The following VPS13B variants were observed in gnomAD, a reference collection of about 807,000 sequenced individuals.
VPS13B encodes the protein intermembrane lipid transfer protein VPS13B.
A neutral mutation model predicts 426.4 loss-of-function variants in VPS13B; 285 were observed. That is an observed-to-expected ratio of 0.67 (90% CI 0.61 to 0.74). The LOEUF (loss-of-function observed/expected upper bound fraction) is 0.74. VPS13B is among the 30% of genes least tolerant of loss of function. The probability of loss-of-function intolerance (pLI) is 0.00; values close to 1 mark genes in which losing one functional copy is unlikely to be tolerated. For synonymous variants in VPS13B, 1,676 were observed against 1,676.4 expected, an observed-to-expected ratio of 1.00 and a Z score of 0.01; for missense variants, 4,537 against 4,782.6, an observed-to-expected ratio of 0.95 and a Z score of 1.51.
rs769286340 is a variant in VPS13B, at chr8:99,784,495, TACAAACAGCCATTGTTAAGGTTG to T, written c.7941+20_7941+42del. On this transcript the variant is annotated intron_variant, in intron 43 of 61. Coordinates refer to ENST00000357162, the MANE Select transcript of VPS13B (RefSeq NM_152564.5). ...CCCACAGGTATTTGAGAAACACCCT[TACAAACAGCCATTGTTAAGGTTG>T]GGGATTCATTTCTTCTGCACTTGTG... 1.2e-6 allele frequency: 2 copies of T among 1,613,446 alleles called. No homozygotes were observed. Among genetic ancestry groups the T allele is most frequent in the Admixed American group, 3.3e-5 (2 of 59,970 alleles).
chr8:99,619,779 A>G (rs1828271139), intron 33 of VPS13B, among the ~76,000 whole-genome samples: 1 of 151,888 alleles, frequency 6.6e-6, no homozygotes, highest in Admixed American at 6.6e-5. Flanking sequence ...GCTGAGGTGG[A>G]AGAATCACTT....
chr8:99,519,355 G>C (rs984919434), intron 29 of VPS13B, among the ~76,000 whole-genome samples: 6 of 152,164 alleles, frequency 3.9e-5, no homozygotes, highest in African/African-American at 1.4e-4. Context: ...CTGTTGGCGG[G>C]ACTGTAAACT....
intron 35 of VPS13B, among the ~76,000 whole-genome samples, chr8:99,666,239 G>C (rs1046416195): frequency 2.0e-5 from 3 of 152,144 alleles, no homozygotes; most frequent in Admixed American, 6.6e-5. Flanking sequence ...ACAAGGAGGA[G>C]CTGGTACCAT....
Position 99,132,975 on chromosome 8 carries a change from T to C in VPS13B, c.1207-1657T>C, listed in dbSNP as rs181309747. 1.4e-4 allele frequency among the ~76,000 whole-genome samples: 21 copies of C among 152,278 alleles called. 1 individual carries two copies. The highest frequency in any genetic ancestry group is 1.1e-3 in the Admixed American group (17 of 15,294). ...GCCCTAGGATTTTCAGAATGGTAAA[T>C]GAACACTATCTTCAACTTAAAGTTA... On this transcript the variant is annotated intron_variant, in intron 8 of 61. Transcript: ENST00000357162.
intron 5 of VPS13B, among the ~76,000 whole-genome samples, chr8:99,105,525 C>T (rs556791423): frequency 6.6e-6 from 1 of 152,118 alleles, no homozygotes; most frequent in East Asian, 1.9e-4. Context: ...ACTCTAGGCG[C>T]CTGCCAGCAT....
intron 35 of VPS13B, among the ~76,000 whole-genome samples, chr8:99,670,233 C>T (rs888777659): frequency 1.3e-5 from 2 of 151,772 alleles, no homozygotes; most frequent in African/African-American, 2.4e-5. Context: ...AATAGTGTCT[C>T]GATTTTTCTG....
intron 7 of VPS13B, 35 bp from the exon 8 acceptor site, chr8:99,121,142 T>C: frequency 1.3e-6 from 2 of 1,589,852 alleles, no homozygotes; most frequent in East Asian, 4.5e-5. Flanking sequence ...TAAATCCTTT[T>C]GACTTATTTA....
chr8:99,605,022 A>G (rs1309543961), intron 33 of VPS13B, among the ~76,000 whole-genome samples: 1 of 152,218 alleles, frequency 6.6e-6, no homozygotes, highest in Non-Finnish European at 1.5e-5. Context: ...TTGCAACTGT[A>G]ATTAATTCCT....
At chr8:99,587,388 G>A (rs1248044306) in intron 33 of VPS13B, among the ~76,000 whole-genome samples, 1 of 149,948 alleles carries the variant, frequency 6.7e-6, no homozygotes, top group Non-Finnish European at 1.5e-5. Context: ...GATCCTTGAG[G>A]AATCGCCACA....
At chr8:99,646,473 C>T (rs72676220) in intron 34 of VPS13B, among the ~76,000 whole-genome samples, 20,836 of 152,074 alleles carry the variant, frequency 0.14, 1,975 homozygotes, top group East Asian at 0.39. Context: ...TGCAGTAAAC[C>T]GAGATTGCAT....
At chr8:99,691,577 G>A (rs995966398) in intron 35 of VPS13B, among the ~76,000 whole-genome samples, 8 of 151,476 alleles carry the variant, frequency 5.3e-5, no homozygotes, top group Admixed American at 1.3e-4. Flanking sequence ...AGTGTCAGCC[G>A]CTGCAAAATC....
chr8:99,220,833 A>T (rs1815670688), intron 17 of VPS13B, among the ~76,000 whole-genome samples: 1 of 112,270 alleles, frequency 8.9e-6, no homozygotes, highest in Non-Finnish European at 1.8e-5. Context: ...ACATGTGCAC[A>T]TTGTGCAGGT....
intron 25 of VPS13B, among the ~76,000 whole-genome samples, chr8:99,491,861 C>A (rs1820620129): frequency 6.6e-6 from 1 of 152,196 alleles, no homozygotes; most frequent in African/African-American, 2.4e-5. Flanking sequence ...AAGCCTACTT[C>A]TGTCAATTCG....
At chr8:99,870,109 GTTT>G (rs576763199) in intron 59 of VPS13B, among the ~76,000 whole-genome samples, 1 of 152,142 alleles carries the variant, frequency 6.6e-6, no homozygotes, top group African/African-American at 2.4e-5. Flanking sequence ...ATATCTGTGT[GTTT>G]TTTATTTTTT....
rs1587911767 is a variant in VPS13B at position 99,013,360 on chromosome 8, T to G, written c.-30+13T>G. ...GGTACTCTGGCGTGTGAGCCGAGGG[T>G]GGAGTGCAGAGGGAGCGGGAGCGGG... On this transcript the variant is annotated intron_variant, in intron 1 of 61. Transcript: ENST00000357162. 1 of 279,554 alleles carries G rather than the reference T, an allele frequency of 3.6e-6. No individual in the cohort carries two copies. The highest frequency in any genetic ancestry group is 7.0e-6 in the Non-Finnish European group (1 of 142,726). 17.3% of individuals were successfully genotyped at this position (279,554 alleles called of 1,614,324 possible). A position where few individuals can be genotyped will look rare whatever the true frequency, so the allele number is the denominator to read the frequency against.
intron 19 of VPS13B, among the ~76,000 whole-genome samples, chr8:99,304,161 T>C (rs1214297061): frequency 6.6e-6 from 1 of 152,164 alleles, no homozygotes; most frequent in Non-Finnish European, 1.5e-5. Flanking sequence ...AGGGTTGTCA[T>C]GAAGATTAAT....
At chr8:99,548,518 A>G (rs1824108836) in intron 30 of VPS13B, among the ~76,000 whole-genome samples, 2 of 152,032 alleles carry the variant, frequency 1.3e-5, no homozygotes, top group Admixed American at 6.6e-5. Flanking sequence ...ATAAATTTAT[A>G]CATTATGATT....
Position 99,442,601 on chromosome 8 carries a change from T to A in VPS13B, c.3411T>A (p.Ile1137=). 1 of 1,613,998 alleles carries A rather than the reference T, an allele frequency of 6.2e-7. No individual in the cohort carries two copies. Among genetic ancestry groups the A allele is most frequent in the Non-Finnish European group, 8.5e-7 (1 of 1,179,910 alleles). ...AGTATATGGAACCTCTGCAGGAGAT[T>A]CCATTTGTTATCCCACGACCCATCC... ...GHKYMEPLQE[I]PFVIPRPILE... is the part of the protein sequence containing the mutation. Residue 1137 remains isoleucine, a synonymous_variant, in exon 23 of 62, where the codon ATT becomes ATA. Transcript: ENST00000357162.
At chr8:99,170,244 A>T in intron 16 of VPS13B, 81 bp downstream of exon 16, 2 of 1,517,934 alleles carry the variant, frequency 1.3e-6, no homozygotes, top group Non-Finnish European at 1.8e-6. Flanking sequence ...TATCTGTCTT[A>T]TGCCCATGCT....
Sources: gnomAD v4.1 joint callset for allele counts (sites outside exome capture counted in the v4.1 genomes callset) on GRCh38, gnomAD v4.1.1 for gene constraint, MANE v1.5 for transcripts, NCBI Gene and HGNC (gene_info 2026-07-23, HGNC 2026-07-21) for gene names.